ANO6: variants seen among roughly 807,000 people sequenced by gnomAD.
ANO6 encodes the protein anoctamin 6, also known as anoctamin-6.
In ANO6, 106 loss-of-function variants were observed where a neutral mutation model predicts 117.5. That is an observed-to-expected ratio of 0.90 (90% CI 0.77 to 1.06). The LOEUF (loss-of-function observed/expected upper bound fraction) is 1.06. Ranked by LOEUF, ANO6 falls within the 50% of genes least tolerant of loss-of-function variation. The pLI, the probability that ANO6 is intolerant of heterozygous loss-of-function variation, is 0.00. For missense variants in ANO6, 955 were observed against 1,121.1 expected (o/e 0.85, Z 2.12); for synonymous variants, 367 against 385.1 (o/e 0.95, Z 0.55).
intron 1 of ANO6, among the ~76,000 whole-genome samples, chr12:45,240,450 A>T (rs982290734): frequency 2.3e-5 from 3 of 132,572 alleles, no homozygotes; most frequent in Non-Finnish European, 4.6e-5. Context: ...GTGTCTCTGC[A>T]CTTGAGATGG....
chr12:45,428,690 AAT>A (rs1301572938), intron 19 of ANO6, among the ~76,000 whole-genome samples: 1 of 152,220 alleles, frequency 6.6e-6, no homozygotes, highest in African/African-American at 2.4e-5. Context: ...CTTTTTAAAA[AAT>A]AAGTGAGAAT....
At chr12:45,286,523 G>A (rs976382553) in intron 1 of ANO6, among the ~76,000 whole-genome samples, 20 of 152,136 alleles carry the variant, frequency 1.3e-4, no homozygotes, top group Non-Finnish European at 2.9e-4. Flanking sequence ...TGTGTTTTGA[G>A]TTCTCCCCAC....
At chr12:45,318,604 C>T (rs1451082053) in intron 2 of ANO6, among the ~76,000 whole-genome samples, 9 of 152,046 alleles carry the variant, frequency 5.9e-5, no homozygotes, top group South Asian at 2.1e-4. Context: ...CTTGGCAATG[C>T]GGGCTTTTTT....
intron 1 of ANO6, among the ~76,000 whole-genome samples, chr12:45,258,454 A>C (rs1223618752): frequency 2.9e-5 from 2 of 70,158 alleles, no homozygotes; most frequent in Non-Finnish European, 9.3e-5. Context: ...AGGGAGAAAA[A>C]ATCTTTCAGT....
At position 45,421,141 on chromosome 12, in the gene ANO6, C is replaced by G. The variant is rs752459791; in HGVS notation, c.2288C>G (p.Pro763Arg). Residue 763 changes from proline (P) to arginine (R), a missense_variant, in exon 18 of 20, where the codon CCC becomes CGC. By Grantham distance (103) the Pro-to-Arg change is moderately radical (BLOSUM62 -2). Transcript: ENST00000320560. ...TACTACTGGTCCTTCTCCGTCCCTC[C>G]CTACGGGGACCACACTTCCTACACC... ...LVYYWSFSVP[P>R]YGDHTSYTME... The G allele has an allele frequency of 1.9e-6, 3 of 1,614,088 alleles. No individual in the cohort carries two copies. In the South Asian group the frequency reaches 3.3e-5, roughly 18 times the overall value.
chr12:45,244,409 G>C (rs560309511), intron 1 of ANO6, among the ~76,000 whole-genome samples: 17 of 149,600 alleles, frequency 1.1e-4, no homozygotes, highest in Non-Finnish European at 1.9e-4. Context: ...TATTTGGGGG[G>C]GGGGGGTGGT....
Position 45,231,072 on chromosome 12 carries a change from G to A in ANO6, c.70+14681G>A, listed in dbSNP as rs141051085. The stretch of plus-strand genomic sequence containing the variant: ...CAGTGAACCAATATCACACCACTGC[G>A]CTCCAGCCTGGGCCACAAAACAAGA... On this transcript the variant is annotated intron_variant, in intron 1 of 19. Transcript: ENST00000320560. Among the ~76,000 whole-genome samples the A allele has an allele frequency of 3.5e-3, 536 of 152,118 alleles. 3 individuals are homozygous for A. Among genetic ancestry groups the A allele is most frequent in the African/African-American group, 0.012 (485 of 41,474 alleles).
At chr12:45,387,392 C>G (rs1484795640) in intron 10 of ANO6, among the ~76,000 whole-genome samples, 2 of 152,042 alleles carry the variant, frequency 1.3e-5, no homozygotes, top group African/African-American at 4.8e-5. Flanking sequence ...TTCCTCTTCC[C>G]CTGTAGGCCC....
At chr12:45,387,892 C>T (rs937428528) in intron 10 of ANO6, among the ~76,000 whole-genome samples, 3 of 152,018 alleles carry the variant, frequency 2.0e-5, no homozygotes, top group Non-Finnish European at 4.4e-5. Flanking sequence ...CACTTTCCTC[C>T]GTGCTCTCTC....
intron 1 of ANO6, among the ~76,000 whole-genome samples, chr12:45,254,638 G>A (rs1488271472): frequency 6.6e-6 from 1 of 152,134 alleles, no homozygotes. Flanking sequence ...TTAAAATTTG[G>A]CTAATCAAAT....
intron 2 of ANO6, among the ~76,000 whole-genome samples, chr12:45,318,115 C>T (rs1423546705): frequency 6.6e-6 from 1 of 152,166 alleles, no homozygotes; most frequent in South Asian, 2.1e-4. Context: ...TGTGCAGAAG[C>T]TCTTTAGTTG....
intron 2 of ANO6, among the ~76,000 whole-genome samples, chr12:45,321,563 A>G (rs1316330252): frequency 6.6e-6 from 1 of 152,188 alleles, no homozygotes; most frequent in East Asian, 1.9e-4. Context: ...TAATTGTCCT[A>G]AATTCTAATA....
At chr12:45,299,171 G>A (rs1565673124) in intron 1 of ANO6, among the ~76,000 whole-genome samples, 1 of 152,100 alleles carries the variant, frequency 6.6e-6, no homozygotes, top group Non-Finnish European at 1.5e-5. Context: ...ACTTATCATA[G>A]CCTCGCATAT....
At chr12:45,404,120 T>C (rs2137638270) in intron 15 of ANO6, among the ~76,000 whole-genome samples, 1 of 152,264 alleles carries the variant, frequency 6.6e-6, no homozygotes, top group South Asian at 2.1e-4. Flanking sequence ...ATCCCATGAG[T>C]ACAAACTTTT....
intron 3 of ANO6, among the ~76,000 whole-genome samples, chr12:45,334,777 A>G (rs901086624): frequency 2.0e-5 from 3 of 152,060 alleles, no homozygotes; most frequent in African/African-American, 4.8e-5. Flanking sequence ...ATATCTAAAT[A>G]TGTTTGATCC....
At chr12:45,384,661 C>T (rs564280912) in intron 10 of ANO6, among the ~76,000 whole-genome samples, 2 of 152,246 alleles carry the variant, frequency 1.3e-5, no homozygotes, top group East Asian at 3.9e-4. Context: ...TGCTGTCTTA[C>T]ATAGGTGGAC....
intron 1 of ANO6, among the ~76,000 whole-genome samples, chr12:45,236,599 G>T (rs1180502101): frequency 6.6e-6 from 1 of 152,188 alleles, no homozygotes; most frequent in Non-Finnish European, 1.5e-5. Context: ...CGGTGTATAT[G>T]TGCCACATTT....
chr12:45,375,282 A>G (rs1285663281), intron 9 of ANO6, among the ~76,000 whole-genome samples: 1 of 152,230 alleles, frequency 6.6e-6, no homozygotes, highest in Non-Finnish European at 1.5e-5. Context: ...ATACTTCCCA[A>G]GGTAATTTGC....
At chr12:45,281,736 A>G (rs1938742254) in intron 1 of ANO6, among the ~76,000 whole-genome samples, 1 of 152,232 alleles carries the variant, frequency 6.6e-6, no homozygotes, top group Admixed American at 6.5e-5. Context: ...GCCAAACCAT[A>G]TCATTCCCCA....
Sources: gnomAD v4.1 joint callset for allele counts (sites outside exome capture counted in the v4.1 genomes callset) on GRCh38, gnomAD v4.1.1 for gene constraint, MANE v1.5 for transcripts, NCBI Gene and HGNC (gene_info 2026-07-23, HGNC 2026-07-21) for gene names.